The following WDPCP variants were observed in gnomAD, a reference collection of about 807,000 sequenced individuals.
The protein encoded by WDPCP is WD repeat containing planar cell polarity effector.
In WDPCP, 71 loss-of-function variants were observed where a neutral mutation model predicts 93.1. The ratio of observed to expected loss-of-function variants is 0.76; its 90% CI spans 0.63 to 0.93. The LOEUF (loss-of-function observed/expected upper bound fraction) is 0.93. Among genes scored for constraint, WDPCP ranks in the 40% least tolerant of loss-of-function variants. WDPCP has a pLI of 0.00. For synonymous variants in WDPCP, 315 were observed against 315.0 expected (o/e 1.00, Z 0.00); for missense variants, 844 against 887.4 (o/e 0.95, Z 0.62).
intron 3 of WDPCP, among the ~76,000 whole-genome samples, chr2:63,620,022 A>G (rs1393958316): frequency 6.6e-6 from 1 of 152,164 alleles, no homozygotes; most frequent in Non-Finnish European, 1.5e-5. Flanking sequence ...AGGCTTTGCA[A>G]CCCATAGACC....
intron 10 of WDPCP, 57 bp from the exon 11 acceptor site, chr2:63,382,151 AAG>A (rs1314893068): frequency 7.8e-6 from 12 of 1,529,214 alleles, no homozygotes; most frequent in Admixed American, 1.9e-5. Context: ...GAATAACAAA[AAG>A]AGTTAATTTT....
At chr2:63,433,322 A>G (rs892973707) in intron 9 of WDPCP, among the ~76,000 whole-genome samples, 2 of 152,258 alleles carry the variant, frequency 1.3e-5, no homozygotes, top group Non-Finnish European at 2.9e-5. Context: ...GCATGATATC[A>G]TGAGTAAACA....
the WDPCP span, among the ~76,000 whole-genome samples, chr2:63,835,556 C>T: frequency 1.3e-5 from 2 of 151,718 alleles, no homozygotes; most frequent in African/African-American, 4.8e-5. Flanking sequence ...AAATTTTCCT[C>T]CCTGTGGGTT....
At chr2:63,787,824 GAGGTC>G (rs2103992517) in intron 2 of WDPCP, among the ~76,000 whole-genome samples, 1 of 152,218 alleles carries the variant, frequency 6.6e-6, no homozygotes, top group Admixed American at 6.5e-5. Context: ...CAGATCACCT[GAGGTC>G]AGGAGTTCAA....
chr2:63,260,088 T>C (rs1173400882), intron 13 of WDPCP, among the ~76,000 whole-genome samples: 1 of 152,110 alleles, frequency 6.6e-6, no homozygotes. Flanking sequence ...AGAGTCACTA[T>C]AAGAGGGGGA....
chr2:63,202,751 T>C (rs1346624633), intron 14 of WDPCP, among the ~76,000 whole-genome samples: 2 of 152,180 alleles, frequency 1.3e-5, no homozygotes, highest in Admixed American at 6.5e-5. Flanking sequence ...CTTTCTCAGA[T>C]ACCAAGACTG....
intron 12 of WDPCP, among the ~76,000 whole-genome samples, chr2:63,313,988 T>C (rs551556585): frequency 2.0e-5 from 3 of 149,308 alleles, no homozygotes; most frequent in African/African-American, 7.4e-5. Flanking sequence ...TTCAAGTGAT[T>C]CTCCTGCCTC....
At chr2:63,317,729 T>C (rs764132928) in intron 12 of WDPCP, among the ~76,000 whole-genome samples, 6 of 152,186 alleles carry the variant, frequency 3.9e-5, no homozygotes, top group Non-Finnish European at 8.8e-5. Context: ...TGATTGAAAC[T>C]ACGCCCCTTC....
chr2:63,632,999 C>G (rs568741872), intron 3 of WDPCP, among the ~76,000 whole-genome samples: 1 of 152,116 alleles, frequency 6.6e-6, no homozygotes, highest in East Asian at 1.9e-4. Flanking sequence ...TCATCTCATA[C>G]AAGGGAATCT....
chr2:63,580,935 T>G (rs1482078931), intron 1 of WDPCP, among the ~76,000 whole-genome samples: 1 of 152,106 alleles, frequency 6.6e-6, no homozygotes, highest in Non-Finnish European at 1.5e-5. Flanking sequence ...AAGGGGATAG[T>G]GTGGTGGGAA....
intron 12 of WDPCP, among the ~76,000 whole-genome samples, chr2:63,376,395 A>G (rs927701692): frequency 6.6e-6 from 1 of 151,956 alleles, no homozygotes; most frequent in African/African-American, 2.4e-5. Context: ...AAATAATTAG[A>G]AAACCATTTG....
intron 9 of WDPCP, among the ~76,000 whole-genome samples, chr2:63,415,401 C>T (rs920271519): frequency 7.9e-5 from 12 of 151,912 alleles, no homozygotes; most frequent in Non-Finnish European, 8.8e-5. Context: ...CATAAGTTTC[C>T]GTAAAGAGTA....
intron 6 of WDPCP, 23 bp from the exon 7 acceptor site, chr2:63,439,894 G>A: frequency 6.4e-7 from 1 of 1,562,234 alleles, no homozygotes; most frequent in Non-Finnish European, 8.8e-7. Flanking sequence ...AAGTGGGGGA[G>A]AGAGGGAGGA....
intron 2 of WDPCP, among the ~76,000 whole-genome samples, chr2:63,687,096 C>T (rs553363850): frequency 6.6e-6 from 1 of 152,186 alleles, no homozygotes; most frequent in East Asian, 1.9e-4. Context: ...CGCACAAATA[C>T]TCATAATTTT....
At chr2:63,320,272 G>C (rs1171974518) in intron 12 of WDPCP, among the ~76,000 whole-genome samples, 1 of 152,090 alleles carries the variant, frequency 6.6e-6, no homozygotes, top group Non-Finnish European at 1.5e-5. Flanking sequence ...ACATTTGCAG[G>C]AAGAAACCAA....
rs77353158 is a variant in WDPCP at position 63,134,420 on chromosome 2, A to C, written c.2191-12364T>G. 7.9e-5 allele frequency among the ~76,000 whole-genome samples: 12 copies of C among 152,374 alleles called. No homozygotes were observed. The East Asian group carries it at 1.9e-3, about 24-fold the overall frequency. ...AGGAAATAAAAATTAAATTCTGGCTAAGTTTCACAGAATGCCAGAAAAGTA... is the reference window on the plus strand; with the variant it reads ...AGGAAATAAAAATTAAATTCTGGCTCAGTTTCACAGAATGCCAGAAAAGTA... On this transcript the variant is annotated intron_variant, in intron 17 of 17. Coordinates refer to ENST00000272321, the MANE Select transcript of WDPCP (RefSeq NM_015910.7).
At chr2:63,351,423 G>T (rs929890453) in intron 12 of WDPCP, among the ~76,000 whole-genome samples, 1 of 151,944 alleles carries the variant, frequency 6.6e-6, no homozygotes, top group African/African-American at 2.4e-5. Context: ...CCAATGACCT[G>T]TCCTTTCCTC....
chr2:63,446,035 T>C (rs867167631), intron 6 of WDPCP, among the ~76,000 whole-genome samples: 5 of 152,272 alleles, frequency 3.3e-5, no homozygotes, highest in South Asian at 4.1e-4. Flanking sequence ...TAATGACAAA[T>C]CCTATATACT....
At chr2:63,238,894 C>A (rs1679632620) in intron 14 of WDPCP, among the ~76,000 whole-genome samples, 1 of 152,062 alleles carries the variant, frequency 6.6e-6, no homozygotes, top group Non-Finnish European at 1.5e-5. Flanking sequence ...AAACCAGAAC[C>A]CAAACCAAAA....
Sources: gnomAD v4.1 joint callset for allele counts (sites outside exome capture counted in the v4.1 genomes callset) on GRCh38, gnomAD v4.1.1 for gene constraint, MANE v1.5 for transcripts, NCBI Gene and HGNC (gene_info 2026-07-23, HGNC 2026-07-21) for gene names.